Variants in SUGCT observed in about 807,000 individuals in gnomAD.
SUGCT encodes the protein succinyl-CoA:glutarate CoA-transferase.
A neutral mutation model predicts 55.0 loss-of-function variants in SUGCT; 41 were observed. The ratio of observed to expected loss-of-function variants is 0.74; its 90% CI spans 0.58 to 0.97. The LOEUF (loss-of-function observed/expected upper bound fraction) is 0.97. Among genes scored for constraint, SUGCT ranks in the 50% least tolerant of loss-of-function variants. SUGCT has a pLI of 0.00. For synonymous variants in SUGCT, 187 were observed against 200.4 expected (o/e 0.93, Z 0.56); for missense variants, 568 against 547.8 (o/e 1.04, Z -0.37).
intron 12 of SUGCT, among the ~76,000 whole-genome samples, chr7:40,561,982 G>A (rs535938099): frequency 2.1e-4 from 31 of 150,226 alleles, no homozygotes; most frequent in Non-Finnish European, 3.1e-4. Context: ...GAGCCACTGC[G>A]TCCAGCCTAA....
intron 7 of SUGCT, among the ~76,000 whole-genome samples, chr7:40,245,681 A>G (rs4472424): frequency 0.99 from 149,786 of 150,674 alleles, 74,453 homozygotes; most frequent in East Asian, 1. Context: ...CTCGTGATCC[A>G]CCTGCCTCGG....
chr7:40,402,893 G>A (rs1583604348), intron 9 of SUGCT, among the ~76,000 whole-genome samples: 1 of 152,320 alleles, frequency 6.6e-6, no homozygotes, highest in East Asian at 1.9e-4. Context: ...TTTTAGTGAT[G>A]AGGACTACTG....
chr7:40,934,816 A>T, the SUGCT span, among the ~76,000 whole-genome samples: 1 of 152,322 alleles, frequency 6.6e-6, no homozygotes, highest in Admixed American at 6.5e-5. Flanking sequence ...ATTTGGGCAG[A>T]AGTGTCCTGT....
Position 40,752,923 on chromosome 7 carries a change from G to A in SUGCT, c.1153+3426G>A, listed in dbSNP as rs1009646305. Among the ~76,000 whole-genome samples the A allele has an allele frequency of 9.9e-5, 15 of 151,902 alleles. No individual in the cohort carries two copies. In the South Asian group the frequency reaches 1.0e-3, roughly 11 times the overall value. On this transcript the variant is annotated intron_variant, in intron 13 of 13. Transcript: ENST00000335693. Reference sequence around the variant, plus strand: ...TTTGGTATGTCTATCTTGTTATCTTGTATTCTTTCTATAGAATTATCAATA... The same window carrying A: ...TTTGGTATGTCTATCTTGTTATCTTATATTCTTTCTATAGAATTATCAATA...
At chr7:40,910,125 C>A in the SUGCT span, among the ~76,000 whole-genome samples, 1 of 151,182 alleles carries the variant, frequency 6.6e-6, no homozygotes, top group Non-Finnish European at 1.5e-5. Context: ...TGGTTTTCAA[C>A]ATGGAAAGTG....
At chr7:40,925,770 C>T in the SUGCT span, among the ~76,000 whole-genome samples, 1 of 152,110 alleles carries the variant, frequency 6.6e-6, no homozygotes, top group African/African-American at 2.4e-5. Context: ...ACGAATCATA[C>T]TCAAGCCAAA....
At chr7:40,167,968 C>T (rs1784498457) in intron 1 of SUGCT, among the ~76,000 whole-genome samples, 1 of 152,218 alleles carries the variant, frequency 6.6e-6, no homozygotes, top group South Asian at 2.1e-4. Flanking sequence ...GTTGCCCACT[C>T]CCGGCTCAAA....
chr7:40,998,351 G>A, the SUGCT span, among the ~76,000 whole-genome samples: 10 of 151,200 alleles, frequency 6.6e-5, no homozygotes, highest in East Asian at 1.9e-4. Flanking sequence ...CAGCTTGGGC[G>A]ACAGAGTAAG....
chr7:40,759,979 A>T (rs1788453597), intron 13 of SUGCT, among the ~76,000 whole-genome samples: 1 of 152,126 alleles, frequency 6.6e-6, no homozygotes, highest in Non-Finnish European at 1.5e-5. Flanking sequence ...AAACATGTGG[A>T]CTACATTTCC....
At chr7:40,626,811 A>G (rs1454917432) in intron 12 of SUGCT, among the ~76,000 whole-genome samples, 3 of 152,098 alleles carry the variant, frequency 2.0e-5, no homozygotes, top group Non-Finnish European at 4.4e-5. Context: ...ATGCACAATC[A>G]TACCTGCTTC....
intron 12 of SUGCT, among the ~76,000 whole-genome samples, chr7:40,611,191 A>G (rs1005111629): frequency 6.6e-6 from 1 of 152,310 alleles, no homozygotes; most frequent in Middle Eastern, 3.4e-3. Context: ...GCTTTGAGGT[A>G]TATTTCATTT....
chr7:40,934,720 G>A, the SUGCT span, among the ~76,000 whole-genome samples: 1 of 152,204 alleles, frequency 6.6e-6, no homozygotes, highest in Non-Finnish European at 1.5e-5. Flanking sequence ...AGTGAGCAAG[G>A]CTCCATGGGT....
chr7:40,902,545 A>C, the SUGCT span, among the ~76,000 whole-genome samples: 1 of 139,644 alleles, frequency 7.2e-6, no homozygotes, highest in East Asian at 2.1e-4. Context: ...CCGCCACTGC[A>C]CTCCAGCCTG....
rs1294906843 is a variant in SUGCT, at chr7:40,388,099, A to G, written c.817-61188A>G. The G allele has an allele frequency of 2.0e-5, 3 of 152,218 alleles. No individual in the cohort carries two copies. The East Asian group carries it at 5.8e-4, about 29-fold the overall frequency. The allele number at this position is 152,218 out of a possible 1,614,324, so 9.4% of individuals were successfully genotyped here. On this transcript the variant is annotated intron_variant, in intron 9 of 13. Transcript: ENST00000335693. ...CATGTCTGCACATTACTTTCAATTG[A>G]AAGTAGAAAAATGAAATAGAGATCT... is the stretch of plus-strand genomic sequence containing the variant.
chr7:40,405,703 G>A (rs1198567674), intron 9 of SUGCT, among the ~76,000 whole-genome samples: 2 of 151,490 alleles, frequency 1.3e-5, no homozygotes, highest in African/African-American at 2.4e-5. Flanking sequence ...CCAGCTACTC[G>A]GGAGGCTGAG....
chr7:40,991,669 T>C, the SUGCT span, among the ~76,000 whole-genome samples: 15,805 of 152,188 alleles, frequency 0.1, 923 homozygotes, highest in South Asian at 0.21. Flanking sequence ...CGTTTGACCA[T>C]GTGTCTGGTG....
the SUGCT span, among the ~76,000 whole-genome samples, chr7:41,010,166 C>T: frequency 6.6e-6 from 1 of 152,208 alleles, no homozygotes; most frequent in African/African-American, 2.4e-5. Context: ...GCTCATTATC[C>T]ACCTTCCCAA....
At chr7:40,374,493 C>T (rs1315787615) in intron 9 of SUGCT, among the ~76,000 whole-genome samples, 1 of 152,110 alleles carries the variant, frequency 6.6e-6, no homozygotes, top group Non-Finnish European at 1.5e-5. Context: ...TAAAGGGTAT[C>T]AGCACAAATT....
intron 12 of SUGCT, among the ~76,000 whole-genome samples, chr7:40,602,693 G>A (rs1798352295): frequency 6.6e-6 from 1 of 152,104 alleles, no homozygotes; most frequent in African/African-American, 2.4e-5. Flanking sequence ...TGCAACAGTA[G>A]GAAGTCATAG....
Sources: allele counts gnomAD v4.1 joint callset (sites outside exome capture counted in the v4.1 genomes callset), GRCh38; gene constraint gnomAD v4.1.1; transcripts MANE v1.5; gene names NCBI Gene and HGNC (gene_info 2026-07-23, HGNC 2026-07-21).